Variants in UNC79 observed in about 807,000 individuals in gnomAD.
UNC79 encodes protein unc-79 homolog.
A neutral mutation model predicts 283.1 loss-of-function variants in UNC79; 37 were observed. That is an observed-to-expected ratio of 0.13 (90% CI 0.10 to 0.17). UNC79 has a LOEUF of 0.17. Ranked by LOEUF, UNC79 falls within the 10% of genes least tolerant of loss-of-function variation. The pLI is 1.00. For missense variants in UNC79, 2,272 were observed against 3,211.1 expected, an observed-to-expected ratio of 0.71 and a Z score of 7.07; for synonymous variants, 1,107 against 1,200.2, an observed-to-expected ratio of 0.92 and a Z score of 1.61.
chr14:93,656,571 T>G (rs1231140505), intron 38 of UNC79, among the ~76,000 whole-genome samples: 2 of 152,168 alleles, frequency 1.3e-5, no homozygotes, highest in Non-Finnish European at 2.9e-5. Context: ...TGCTCATTGT[T>G]TGAGCCCAGG....
rs549606576 is a variant in UNC79 at position 93,377,544 on chromosome 14, C to T, written c.-351+44021C>T. On this transcript the variant is annotated intron_variant, in intron 1 of 49. Coordinates refer to the UNC79 transcript ENST00000256339. Reference sequence around the variant, plus strand: ...ACCGGGATACAATCTGAAGGCTCAACCAGTGAGGTCTTGCAAATGTTGTGT... The same window carrying T: ...ACCGGGATACAATCTGAAGGCTCAATCAGTGAGGTCTTGCAAATGTTGTGT... Among the ~76,000 whole-genome samples the T allele has an allele frequency of 2.0e-5, 3 of 152,204 alleles. No homozygotes were observed. In the South Asian group the frequency reaches 6.2e-4, roughly 32 times the overall value.
At chr14:93,538,163 A>T in exon 12 of UNC79, 2 of 1,613,736 alleles carry the variant, frequency 1.2e-6, no homozygotes, top group Non-Finnish European at 1.7e-6. Flanking sequence ...TCCGCCCATC[A>T]ACACGCGGGA....
chr14:93,583,832 G>T (rs563864841), intron 20 of UNC79, among the ~76,000 whole-genome samples: 3 of 147,670 alleles, frequency 2.0e-5, no homozygotes, highest in Non-Finnish European at 4.5e-5. Context: ...TAAGATAAGG[G>T]TCCTGCTCTG....
intron 1 of UNC79, among the ~76,000 whole-genome samples, chr14:93,382,143 T>C (rs1595410400): frequency 1.3e-5 from 2 of 152,188 alleles, no homozygotes; most frequent in East Asian, 1.9e-4. Context: ...TAATACAAGG[T>C]ATGTAATAGA....
chr14:93,562,799 C>T (rs902074162), intron 14 of UNC79, among the ~76,000 whole-genome samples: 5 of 152,170 alleles, frequency 3.3e-5, no homozygotes, highest in African/African-American at 9.7e-5. Context: ...CTCTACCCAT[C>T]CAGTGAAAGT....
chr14:93,546,700 C>T (rs1221525186), intron 14 of UNC79, among the ~76,000 whole-genome samples: 1 of 152,048 alleles, frequency 6.6e-6, no homozygotes, highest in Non-Finnish European at 1.5e-5. Context: ...AAACAAAAAA[C>T]GATACAAATT....
chr14:93,348,072 A>G, intron 1 of UNC79: 1 of 1,613,312 alleles, frequency 6.2e-7, no homozygotes, highest in South Asian at 1.1e-5. Flanking sequence ...CCTTCTTAAC[A>G]CCAGCTGCAT....
At chr14:93,587,729 A>C (rs1324610707) in intron 22 of UNC79, among the ~76,000 whole-genome samples, 1 of 152,198 alleles carries the variant, frequency 6.6e-6, no homozygotes, top group Non-Finnish European at 1.5e-5. Context: ...TGGTCTTCAT[A>C]ATAACCCCAA....
At chr14:93,583,446 G>T (rs2063969278) in intron 20 of UNC79, among the ~76,000 whole-genome samples, 1 of 152,172 alleles carries the variant, frequency 6.6e-6, no homozygotes, top group South Asian at 2.1e-4. Flanking sequence ...CTGTTTTCTG[G>T]GGTTCATTGC....
chr14:93,509,442 GT>G (rs1284972504), intron 7 of UNC79, among the ~76,000 whole-genome samples: 1 of 152,106 alleles, frequency 6.6e-6, no homozygotes, highest in Non-Finnish European at 1.5e-5. Flanking sequence ...GATAAGGCAT[GT>G]CTCTTCCACC....
chr14:93,375,928 A>C (rs1358430950), intron 1 of UNC79, among the ~76,000 whole-genome samples: 1 of 145,576 alleles, frequency 6.9e-6, no homozygotes, highest in South Asian at 2.2e-4. Context: ...TGGCCTTATA[A>C]AAAGAGGAAG....
upstream of UNC79, among the ~76,000 whole-genome samples, chr14:93,426,777 T>C (rs4905067): frequency 0.64 from 97,639 of 151,858 alleles, 32,155 homozygotes; most frequent in Middle Eastern, 0.77. Flanking sequence ...CATTTTTTTT[T>C]CACTGCACTG....
At chr14:93,541,458 T>C (rs1456118382) in intron 13 of UNC79, among the ~76,000 whole-genome samples, 3 of 152,204 alleles carry the variant, frequency 2.0e-5, no homozygotes, top group Non-Finnish European at 2.9e-5. Flanking sequence ...GAGACATTAA[T>C]TCAGTCTCCA....
intron 26 of UNC79, among the ~76,000 whole-genome samples, chr14:93,612,103 C>A (rs1236497078): frequency 6.6e-6 from 1 of 152,206 alleles, no homozygotes; most frequent in East Asian, 1.9e-4. Flanking sequence ...GAACTTTCCG[C>A]TCACCTTCAT....
chr14:93,664,903 C>T (rs1017262629), intron 40 of UNC79, among the ~76,000 whole-genome samples: 1 of 151,984 alleles, frequency 6.6e-6, no homozygotes, highest in Non-Finnish European at 1.5e-5. Context: ...AGTTAAAATC[C>T]TAATGAACAT....
In UNC79 at chr14:93,617,089, T is replaced by C; in HGVS notation, c.4042-33T>C. 1 of 1,573,862 alleles carries C rather than the reference T, an allele frequency of 6.4e-7. No individual in the cohort carries two copies. Among genetic ancestry groups the C allele is most frequent in the Non-Finnish European group, 8.7e-7 (1 of 1,155,194 alleles). ...TGACCTCTGAGTGTTCTTTGTAGTTTTCCATCAGTTATTAATATTTTTTCT... is the reference window on the plus strand; with the variant it reads ...TGACCTCTGAGTGTTCTTTGTAGTTCTCCATCAGTTATTAATATTTTTTCT... On this transcript the variant is annotated intron_variant, in intron 27 of 48. Transcript: ENST00000555664. The surrounding 1 kb of genome is among the most constrained non-coding windows in gnomAD (Gnocchi z 4.5).
At chr14:93,664,780 A>G (rs948657193) in intron 40 of UNC79, among the ~76,000 whole-genome samples, 1 of 152,158 alleles carries the variant, frequency 6.6e-6, no homozygotes, top group Non-Finnish European at 1.5e-5. Flanking sequence ...GTCAAATAAC[A>G]TTAGTGCTTA....
At chr14:93,545,517 T>G (rs933371190) in intron 14 of UNC79, among the ~76,000 whole-genome samples, 7 of 152,186 alleles carry the variant, frequency 4.6e-5, no homozygotes, top group Admixed American at 2.0e-4. Flanking sequence ...CTCCCAAATA[T>G]TCTAAGTTTC....
At chr14:93,525,316 G>C (rs899948477) in intron 8 of UNC79, among the ~76,000 whole-genome samples, 2 of 152,118 alleles carry the variant, frequency 1.3e-5, no homozygotes, top group African/African-American at 2.4e-5. Flanking sequence ...GGGCGTGGTG[G>C]TGTGTGCCTG....
Sources: allele counts gnomAD v4.1 joint callset (sites outside exome capture counted in the v4.1 genomes callset), GRCh38; gene constraint gnomAD v4.1.1; non-coding constraint Gnocchi (gnomAD v3.1); transcripts MANE v1.5; gene names NCBI Gene and HGNC (gene_info 2026-07-23, HGNC 2026-07-21).